Variants in CPAP observed in about 807,000 individuals in gnomAD.
The protein encoded by CPAP is centrosomal P4.1-associated protein.
chr13:24,918,612 T>TA, the CPAP span, among the ~76,000 whole-genome samples: 3 of 152,020 alleles, frequency 2.0e-5, no homozygotes, highest in Admixed American at 1.3e-4. Context: ...AAGAAAATAA[T>TA]AAAAAATATA....
the CPAP span, chr13:24,885,829 G>A: frequency 1.4e-5 from 9 of 638,190 alleles, no homozygotes; most frequent in South Asian, 7.6e-5. Flanking sequence ...GTAGTTCTCC[G>A]ACACAGGTAC....
chr13:24,886,528 C>G, the CPAP span: 1 of 441,710 alleles, frequency 2.3e-6, no homozygotes, highest in Non-Finnish European at 4.4e-6. Context: ...CTAGGGACTA[C>G]TGGGAGTGGA....
the CPAP span, among the ~76,000 whole-genome samples, chr13:24,908,865 C>T: frequency 1.3e-5 from 2 of 152,126 alleles, no homozygotes; most frequent in South Asian, 4.1e-4. Context: ...AATAATAGCA[C>T]TGTGGTTATA....
chr13:24,925,826 G>C, the CPAP span: 1 of 152,688 alleles, frequency 6.5e-6, no homozygotes, highest in Non-Finnish European at 1.5e-5. Flanking sequence ...GGAATTTATC[G>C]TAAATAGGCT....
At chr13:24,933,579 C>G in the CPAP span, 2 of 158,474 alleles carry the variant, frequency 1.3e-5, no homozygotes, top group African/African-American at 4.8e-5. Flanking sequence ...CTCATCTTCG[C>G]AGTGTAGCTT....
At chr13:24,916,989 G>A in the CPAP span, among the ~76,000 whole-genome samples, 4 of 152,128 alleles carry the variant, frequency 2.6e-5, no homozygotes, top group African/African-American at 9.7e-5. Context: ...GGTAGCTCAC[G>A]CCTATAATCC....
the CPAP span, among the ~76,000 whole-genome samples, chr13:24,912,330 T>C: frequency 6.6e-6 from 1 of 152,214 alleles, no homozygotes; most frequent in Admixed American, 6.5e-5. Flanking sequence ...CATCAGTACA[T>C]CATCCAATTT....
At chr13:24,912,488 G>A in the CPAP span, 2 of 1,083,268 alleles carry the variant, frequency 1.8e-6, no homozygotes, top group Non-Finnish European at 2.7e-6. Context: ...CAGAGTGAAG[G>A]GGAAAAAACA....
chr13:24,888,126 A>C, the CPAP span, among the ~76,000 whole-genome samples: 1 of 152,216 alleles, frequency 6.6e-6, no homozygotes, highest in Non-Finnish European at 1.5e-5. Context: ...TAAAAACTCA[A>C]GATGTGAATG....
chr13:24,905,230 T>C, the CPAP span: 19 of 979,672 alleles, frequency 1.9e-5, no homozygotes, highest in Admixed American at 2.8e-4. Flanking sequence ...ACCCATTAAT[T>C]TGACTTAATT....
the CPAP span, chr13:24,883,990 G>A: frequency 6.2e-7 from 1 of 1,614,100 alleles, no homozygotes; most frequent in Non-Finnish European, 8.5e-7. Flanking sequence ...TGTACCATCT[G>A]GGAAAATGCT....
At chr13:24,892,538 C>CG in the CPAP span, 2 of 893,300 alleles carry the variant, frequency 2.2e-6, no homozygotes, top group African/African-American at 3.2e-5. Flanking sequence ...CACTGCCCCC[C>CG]CAGCCCCTGG....
At chr13:24,899,461 A>C in the CPAP span, 1 of 1,613,850 alleles carries the variant, frequency 6.2e-7, no homozygotes, top group African/African-American at 1.3e-5. Context: ...AAGTTCTTGC[A>C]GCTGTAGTAT....
chr13:24,885,455 G>A, the CPAP span: 9 of 1,217,956 alleles, frequency 7.4e-6, no homozygotes, highest in African/African-American at 1.2e-4. Flanking sequence ...CTGATATAGG[G>A]TTCTAGGACT....
chr13:24,887,511 C>A, the CPAP span, among the ~76,000 whole-genome samples: 1 of 152,152 alleles, frequency 6.6e-6, no homozygotes, highest in Non-Finnish European at 1.5e-5. Context: ...GCGAGGGATC[C>A]AGGTTGCACG....
the CPAP span, among the ~76,000 whole-genome samples, chr13:24,915,316 G>A: frequency 1.4e-4 from 21 of 152,272 alleles, no homozygotes; most frequent in Admixed American, 7.2e-4. Flanking sequence ...GAGACCAAGA[G>A]TTGAATTCAG....
At chr13:24,897,052 C>G in the CPAP span, among the ~76,000 whole-genome samples, 1 of 151,966 alleles carries the variant, frequency 6.6e-6, no homozygotes, top group Non-Finnish European at 1.5e-5. Context: ...AGGTAGAGAA[C>G]AAAAAACACT....
the CPAP span, among the ~76,000 whole-genome samples, chr13:24,931,307 T>TTTTTTTC: frequency 5.3e-4 from 3 of 5,702 alleles, no homozygotes; most frequent in Admixed American, 3.9e-3. Context: ...TTCATGTTTC[T>TTTTTTTC]TTTTTTTTTT....
chr13:24,882,727 G>T, the CPAP span: 1 of 168,236 alleles, frequency 5.9e-6, no homozygotes, highest in Admixed American at 5.9e-5. Flanking sequence ...AGATCAAATG[G>T]TCTAATTTTG....
Sources: gnomAD v4.1 joint callset for allele counts (sites outside exome capture counted in the v4.1 genomes callset) on GRCh38, gnomAD v4.1.1 for gene constraint, MANE v1.5 for transcripts, NCBI Gene and HGNC (gene_info 2026-07-23, HGNC 2026-07-21) for gene names.